Variants in ANAPC10 observed in about 807,000 individuals in gnomAD.
ANAPC10 encodes anaphase promoting complex subunit 10, also known as anaphase-promoting complex subunit 10.
Under a neutral mutation model 22.0 loss-of-function variants are expected in ANAPC10, and 12 were observed. The ratio of observed to expected loss-of-function variants is 0.55; its 90% CI spans 0.35 to 0.88. ANAPC10 has a LOEUF of 0.88. Ranked by LOEUF, ANAPC10 falls within the 40% of genes least tolerant of loss-of-function variation. The pLI, the probability that ANAPC10 is intolerant of heterozygous loss-of-function variation, is 0.01. For missense variants in ANAPC10, 188 were observed against 220.9 expected (o/e 0.85, Z 0.94); for synonymous variants, 65 against 69.5 (o/e 0.94, Z 0.32).
At chr4:145,091,328 T>C (rs755097430) in intron 2 of ANAPC10, among the ~76,000 whole-genome samples, 7 of 152,146 alleles carry the variant, frequency 4.6e-5, no homozygotes, top group Non-Finnish European at 1.0e-4. Flanking sequence ...CCAAGGAAGG[T>C]AAACTTTACC....
intron 3 of ANAPC10, among the ~76,000 whole-genome samples, chr4:145,066,445 T>C (rs188298964): frequency 3.3e-5 from 5 of 151,910 alleles, no homozygotes; most frequent in African/African-American, 4.8e-5. Context: ...TTTCTTCTTA[T>C]GGAGAGATCA....
intron 4 of ANAPC10, among the ~76,000 whole-genome samples, chr4:145,009,237 C>T (rs1451971270): frequency 1.3e-5 from 2 of 152,052 alleles, no homozygotes; most frequent in Non-Finnish European, 2.9e-5. Flanking sequence ...GAATCAATAT[C>T]ATGAAAATGG....
chr4:145,021,215 C>G (rs1382954879), intron 4 of ANAPC10, among the ~76,000 whole-genome samples: 1 of 152,066 alleles, frequency 6.6e-6, no homozygotes, highest in Non-Finnish European at 1.5e-5. Context: ...TTTCACATAG[C>G]CAATGCAAGA....
At chr4:145,039,304 T>C (rs1739137547) in intron 4 of ANAPC10, among the ~76,000 whole-genome samples, 1 of 152,234 alleles carries the variant, frequency 6.6e-6, no homozygotes, top group South Asian at 2.1e-4. Context: ...ATGTAGGTAA[T>C]GAATAAGATG....
chr4:145,079,154 C>G (rs937221688), intron 3 of ANAPC10, among the ~76,000 whole-genome samples: 1 of 151,998 alleles, frequency 6.6e-6, no homozygotes, highest in African/African-American at 2.4e-5. Context: ...GGTCTAATAT[C>G]CAGAAACTAT....
At chr4:145,097,458 A>T in intron 1 of ANAPC10, 1 of 1,283,614 alleles carries the variant, frequency 7.8e-7, no homozygotes, top group Non-Finnish European at 1.0e-6. Context: ...ACATTGTTAT[A>T]TATGCTATTC....
intron 4 of ANAPC10, among the ~76,000 whole-genome samples, chr4:144,999,900 A>G (rs1175719121): frequency 6.6e-6 from 1 of 152,190 alleles, no homozygotes; most frequent in East Asian, 1.9e-4. Flanking sequence ...ATAACACCAC[A>G]TATCTACAAC....
In ANAPC10 at chr4:145,015,068, G is replaced by C. The variant is rs141520505; in HGVS notation, c.328-19465C>G. Reference sequence around the variant, plus strand: ...AAAAAATCATATTGGCTCACCAGCAGTGGATCCAAACCAAAAAGAAATCCC... The same window carrying C: ...AAAAAATCATATTGGCTCACCAGCACTGGATCCAAACCAAAAAGAAATCCC... On this transcript the variant is annotated intron_variant, in intron 4 of 4. Coordinates refer to ENST00000507656, the MANE Select transcript of ANAPC10 (RefSeq NM_001256706.2). Among the ~76,000 whole-genome samples, 247 of 152,202 alleles carry C rather than the reference G, an allele frequency of 1.6e-3. 2 individuals carry two copies. The highest frequency in any genetic ancestry group is 5.5e-3 in the African/African-American group (230 of 41,506).
intron 4 of ANAPC10, among the ~76,000 whole-genome samples, chr4:145,046,015 T>C (rs531204395): frequency 1.3e-5 from 2 of 152,112 alleles, no homozygotes; most frequent in Non-Finnish European, 2.9e-5. Flanking sequence ...ATTTGTTCAA[T>C]TGTTGGGCCA....
At chr4:145,070,299 A>G (rs528959580) in intron 3 of ANAPC10, among the ~76,000 whole-genome samples, 3 of 152,352 alleles carry the variant, frequency 2.0e-5, no homozygotes, top group African/African-American at 7.2e-5. Context: ...GCAGCAGGAC[A>G]TATAAAGAAG....
chr4:145,029,452 T>C (rs2127044141), intron 4 of ANAPC10, among the ~76,000 whole-genome samples: 1 of 152,232 alleles, frequency 6.6e-6, no homozygotes, highest in East Asian at 1.9e-4. Context: ...GGAGGTGCAC[T>C]ACAACTGAAA....
chr4:145,045,089 A>G (rs1351797285), intron 4 of ANAPC10, among the ~76,000 whole-genome samples: 1 of 152,086 alleles, frequency 6.6e-6, no homozygotes, highest in African/African-American at 2.4e-5. Flanking sequence ...TACTCTCCAA[A>G]AGCTAATGTA....
At chr4:145,057,603 A>T (rs1473648193) in intron 4 of ANAPC10, among the ~76,000 whole-genome samples, 3 of 152,254 alleles carry the variant, frequency 2.0e-5, no homozygotes, top group Admixed American at 6.5e-5. Flanking sequence ...TTCTTTCCTT[A>T]GGTTCAGATC....
At chr4:145,043,182 A>T (rs2127149809) in intron 4 of ANAPC10, among the ~76,000 whole-genome samples, 1 of 152,234 alleles carries the variant, frequency 6.6e-6, no homozygotes, top group East Asian at 1.9e-4. Context: ...AACAGTGTTA[A>T]TACAAAAAAA....
chr4:145,088,343 C>T (rs76879697), intron 2 of ANAPC10, among the ~76,000 whole-genome samples: 2 of 152,184 alleles, frequency 1.3e-5, no homozygotes, highest in African/African-American at 4.8e-5. Flanking sequence ...CCCAGAACTT[C>T]AAGCAGAGCT....
At chr4:145,026,559 C>T (rs1736687507) in intron 4 of ANAPC10, among the ~76,000 whole-genome samples, 1 of 151,748 alleles carries the variant, frequency 6.6e-6, no homozygotes, top group Admixed American at 6.6e-5. Flanking sequence ...AGACTGGCTA[C>T]ACTATAGGAG....
chr4:145,029,787 G>C (rs1203153097), intron 4 of ANAPC10, among the ~76,000 whole-genome samples: 2 of 152,124 alleles, frequency 1.3e-5, no homozygotes, highest in Non-Finnish European at 2.9e-5. Flanking sequence ...TGGGGTAGTG[G>C]ATTAGTCACT....
chr4:145,048,374 A>C (rs958782260), intron 4 of ANAPC10, among the ~76,000 whole-genome samples: 4 of 152,192 alleles, frequency 2.6e-5, no homozygotes, highest in African/African-American at 9.6e-5. Flanking sequence ...TAGTGTATAG[A>C]AATAAATATA....
intron 4 of ANAPC10, among the ~76,000 whole-genome samples, chr4:145,042,213 T>C (rs1459217930): frequency 6.6e-6 from 1 of 152,112 alleles, no homozygotes; most frequent in Non-Finnish European, 1.5e-5. Flanking sequence ...AGAGTAAAAA[T>C]AAATGATATG....
Sources: allele counts gnomAD v4.1 joint callset (sites outside exome capture counted in the v4.1 genomes callset), GRCh38; gene constraint gnomAD v4.1.1; transcripts MANE v1.5; gene names NCBI Gene and HGNC (gene_info 2026-07-23, HGNC 2026-07-21).